RFX8: variants seen among roughly 807,000 people sequenced by gnomAD.
RFX8 encodes the protein regulatory factor X8, also known as DNA-binding protein RFX8.
A neutral mutation model predicts 54.6 loss-of-function variants in RFX8; 46 were observed. The ratio of observed to expected loss-of-function variants is 0.84; its 90% confidence interval spans 0.67 to 1.08. The LOEUF (loss-of-function observed/expected upper bound fraction) is 1.08, where lower values mean the gene tolerates loss of function less well. Ranked by LOEUF, RFX8 falls within the 50% of genes least tolerant of loss-of-function variation. The pLI, the probability that RFX8 is intolerant of heterozygous loss-of-function variation, is 0.00. For synonymous variants in RFX8, 192 were observed against 209.5 expected (o/e 0.92, Z 0.72); for missense variants, 536 against 562.3 (o/e 0.95, Z 0.47).
At chr2:101,474,428 C>T in intron 1 of RFX8, 1 of 368,288 alleles carries the variant, frequency 2.7e-6, no homozygotes, top group Non-Finnish European at 4.8e-6. Flanking sequence ...GGAGCCCAGT[C>T]CTCCAGGCCC....
At chr2:101,451,425 C>T (rs796833766) in intron 2 of RFX8, among the ~76,000 whole-genome samples, 42 of 152,202 alleles carry the variant, frequency 2.8e-4, no homozygotes, top group African/African-American at 8.7e-4. Flanking sequence ...CGGTGGCTCA[C>T]GCCTGTAATC....
chr2:101,410,180 C>T (rs1472180826), intron 9 of RFX8, among the ~76,000 whole-genome samples: 2 of 151,984 alleles, frequency 1.3e-5, no homozygotes, highest in African/African-American at 2.4e-5. Context: ...TGCTCACACA[C>T]ACTGTCACAC....
chr2:101,411,309 C>T (rs1228416538), intron 8 of RFX8, among the ~76,000 whole-genome samples: 5 of 152,198 alleles, frequency 3.3e-5, no homozygotes, highest in African/African-American at 9.7e-5. Context: ...GTTGCAGTGG[C>T]CCCTCTGAGG....
At position 101,466,813 on chromosome 2, in the gene RFX8, G is replaced by A; in HGVS notation, c.36C>T (p.Asn12=). 1 of 1,551,656 alleles carries A rather than the reference G, an allele frequency of 6.4e-7. No homozygotes were observed. Among genetic ancestry groups the A allele is most frequent in the Non-Finnish European group, 8.7e-7 (1 of 1,146,930 alleles). Residue 12 remains asparagine, a synonymous_variant, in exon 2 of 12, where the codon AAC becomes AAT. Coordinates refer to ENST00000428343, the MANE Select transcript of RFX8 (RefSeq NM_001145664.2). ...YEIYVETCGQ[N]TENQVNPATF... ...TGGCCGGGTTGACTTGGTTCTCAGT[G>A]TTTTGCCCACAGGTCTCCACGTAAA...
chr2:101,414,791 A>G, intron 7 of RFX8, 63 bp downstream of exon 7: 1 of 1,268,568 alleles, frequency 7.9e-7, no homozygotes, highest in South Asian at 1.3e-5. Context: ...ACAGGGACTT[A>G]GAGCTTTCAC....
intron 8 of RFX8, among the ~76,000 whole-genome samples, chr2:101,411,305 G>A (rs1274838070): frequency 1.3e-5 from 2 of 152,252 alleles, no homozygotes; most frequent in Admixed American, 1.3e-4. Flanking sequence ...GTCGGTTGCA[G>A]TGGCCCCTCT....
chr2:101,398,479 T>C (rs1449247592), intron 11 of RFX8, among the ~76,000 whole-genome samples: 1 of 152,040 alleles, frequency 6.6e-6, no homozygotes, highest in Non-Finnish European at 1.5e-5. Flanking sequence ...TCAACAAGTC[T>C]CTGGAGCTGA....
intron 4 of RFX8, 89 bp from the exon 5 acceptor site, chr2:101,419,053 T>A: frequency 1.5e-6 from 1 of 666,330 alleles, no homozygotes; most frequent in Admixed American, 2.5e-5. Flanking sequence ...TAGCCCCAGA[T>A]GACAATGGGA....
chr2:101,464,322 G>C (rs1186947759), intron 2 of RFX8, among the ~76,000 whole-genome samples: 4 of 152,142 alleles, frequency 2.6e-5, no homozygotes, highest in Non-Finnish European at 5.9e-5. Context: ...TATTTCAAAA[G>C]AGGAAGTCAG....
At chr2:101,455,147 A>G (rs1221320524) in intron 2 of RFX8, among the ~76,000 whole-genome samples, 1 of 151,436 alleles carries the variant, frequency 6.6e-6, no homozygotes, top group Non-Finnish European at 1.5e-5. Flanking sequence ...AGTAGCTGGG[A>G]TTATAGGCAC....
chr2:101,413,036 G>C lies in RFX8; in HGVS notation c.597C>G (p.Val199=). 1.9e-6 allele frequency: 3 copies of C among 1,552,110 alleles called. No individual in the cohort carries two copies. Among genetic ancestry groups the C allele is most frequent in the Non-Finnish European group, 2.6e-6 (3 of 1,147,052 alleles). Residue 199 remains valine, a synonymous_variant, in exon 8 of 12, where the codon GTC becomes GTG. Transcript: ENST00000428343. The part of the protein sequence containing the change: ...MRMVLKSKRR[V]SVLKSDLQAI... ...CCTGTAGATCTGACTTCAAAACGCT[G>C]ACACGCCTCTTACTTTTCAATACCA... is the stretch of plus-strand genomic sequence containing the variant.
rs66524825 is a variant in RFX8, at chr2:101,414,440, A to ATTT, written c.561+411_561+413dup. Among the ~76,000 whole-genome samples, 187 of 145,508 alleles carry ATTT rather than the reference A, an allele frequency of 1.3e-3. 1 individual carries two copies. Among genetic ancestry groups the ATTT allele is most frequent in the African/African-American group, 4.3e-3 (172 of 39,762 alleles). ...ACCACCATGCCCAGCTAGTTTTTGT[A>ATTT]TTTTTTTTTTTTTGATAGAGACAGG... On this transcript the variant is annotated intron_variant, in intron 7 of 11. Coordinates refer to ENST00000428343, the MANE Select transcript of RFX8 (RefSeq NM_001145664.2).
chr2:101,451,845 G>A (rs755745536), intron 2 of RFX8, among the ~76,000 whole-genome samples: 2 of 152,184 alleles, frequency 1.3e-5, no homozygotes, highest in African/African-American at 4.8e-5. Context: ...CGTAATCCCA[G>A]TGCTTTGGGA....
intron 2 of RFX8, among the ~76,000 whole-genome samples, chr2:101,465,538 A>G (rs1008548714): frequency 6.6e-6 from 1 of 152,112 alleles, no homozygotes; most frequent in East Asian, 1.9e-4. Flanking sequence ...ACAAACAAAC[A>G]AAAAAACACA....
chr2:101,469,477 C>T (rs1203966608), intron 1 of RFX8, among the ~76,000 whole-genome samples: 1 of 151,984 alleles, frequency 6.6e-6, no homozygotes, highest in African/African-American at 2.4e-5. Flanking sequence ...TAAGACACTA[C>T]TTGTTGATAT....
intron 2 of RFX8, among the ~76,000 whole-genome samples, chr2:101,454,252 T>C (rs1368906702): frequency 6.6e-6 from 1 of 152,208 alleles, no homozygotes; most frequent in Non-Finnish European, 1.5e-5. Flanking sequence ...CTGCATAGTA[T>C]TCCATGGTGT....
At chr2:101,455,297 G>A (rs995115510) in intron 2 of RFX8, among the ~76,000 whole-genome samples, 22 of 152,086 alleles carry the variant, frequency 1.4e-4, no homozygotes, top group African/African-American at 5.3e-4. Flanking sequence ...ACAGGTGTGA[G>A]CCACCATGCC....
At chr2:101,439,631 T>G (rs1687980300) in intron 2 of RFX8, among the ~76,000 whole-genome samples, 1 of 151,858 alleles carries the variant, frequency 6.6e-6, no homozygotes, top group South Asian at 2.1e-4. Context: ...TTCTAATTGT[T>G]CCAGCACCAG....
chr2:101,458,244 C>G (rs1254417749), intron 2 of RFX8, among the ~76,000 whole-genome samples: 3 of 152,140 alleles, frequency 2.0e-5, no homozygotes, highest in Non-Finnish European at 4.4e-5. Context: ...TGAATTTGAT[C>G]CTGTCATTAT....
Sources: gnomAD v4.1 joint callset for allele counts (sites outside exome capture counted in the v4.1 genomes callset) on GRCh38, gnomAD v4.1.1 for gene constraint, MANE v1.5 for transcripts, NCBI Gene and HGNC (gene_info 2026-07-23, HGNC 2026-07-21) for gene names.